TMEM132C: variants seen among roughly 807,000 people sequenced by gnomAD.
TMEM132C encodes transmembrane protein 132C.
In TMEM132C, 29 loss-of-function variants were observed where a neutral mutation model predicts 61.4. That is an observed-to-expected ratio of 0.47 (90% CI 0.35 to 0.64). The LOEUF (loss-of-function observed/expected upper bound fraction) is 0.64. Among genes scored for constraint, TMEM132C ranks in the 30% least tolerant of loss-of-function variants. The pLI is 0.00. For synonymous variants in TMEM132C, 656 were observed against 633.1 expected, an observed-to-expected ratio of 1.04 and a Z score of -0.54; for missense variants, 1,408 against 1,476.9, an observed-to-expected ratio of 0.95 and a Z score of 0.76.
intron 2 of TMEM132C, among the ~76,000 whole-genome samples, chr12:128,538,625 G>A (rs12825041): frequency 0.54 from 81,422 of 152,016 alleles, 22,637 homozygotes; most frequent in Middle Eastern, 0.61. Context: ...ATACTGCAGT[G>A]CCCTGCTCCC....
intron 1 of TMEM132C, among the ~76,000 whole-genome samples, chr12:128,401,778 G>A (rs1030120644): frequency 6.6e-6 from 1 of 152,132 alleles, no homozygotes; most frequent in Non-Finnish European, 1.5e-5. Flanking sequence ...CAGAATCTGG[G>A]CAATTCTTTG....
intron 5 of TMEM132C, among the ~76,000 whole-genome samples, chr12:128,687,017 T>C (rs909734332): frequency 6.6e-6 from 1 of 151,672 alleles, no homozygotes; most frequent in African/African-American, 2.4e-5. Context: ...GCCAACACGG[T>C]GAAACCTCAT....
chr12:128,322,263 C>G (rs1872360116), intron 1 of TMEM132C, among the ~76,000 whole-genome samples: 1 of 152,156 alleles, frequency 6.6e-6, no homozygotes. Flanking sequence ...GCTGACAGTC[C>G]AGCTGAAAGA....
intron 2 of TMEM132C, among the ~76,000 whole-genome samples, chr12:128,443,023 A>G (rs1010276377): frequency 1.3e-5 from 2 of 152,132 alleles, no homozygotes; most frequent in East Asian, 1.9e-4. Flanking sequence ...TTCTCAGGAG[A>G]TGCATGTGGA....
intron 2 of TMEM132C, among the ~76,000 whole-genome samples, chr12:128,530,269 C>A (rs974747926): frequency 1.3e-5 from 2 of 152,104 alleles, no homozygotes; most frequent in Non-Finnish European, 1.5e-5. Context: ...CAGCAGCCAG[C>A]CCTTCACCAG....
chr12:128,664,505 A>AT (rs1413746044), intron 4 of TMEM132C, among the ~76,000 whole-genome samples: 1 of 152,238 alleles, frequency 6.6e-6, no homozygotes, highest in Non-Finnish European at 1.5e-5. Flanking sequence ...GAGAAAAAAC[A>AT]TTTAATAATA....
intron 3 of TMEM132C, among the ~76,000 whole-genome samples, chr12:128,548,945 A>G (rs941471338): frequency 1.3e-5 from 2 of 152,172 alleles, no homozygotes; most frequent in Admixed American, 6.5e-5. Context: ...ACATCATTTT[A>G]TCTAAAGGAC....
At chr12:128,622,395 A>ATATG (rs1953977178) in intron 4 of TMEM132C, among the ~76,000 whole-genome samples, 3 of 129,394 alleles carry the variant, frequency 2.3e-5, no homozygotes, top group African/African-American at 5.8e-5. Context: ...ATATATATAT[A>ATATG]TATATAACCA....
At chr12:128,294,470 A>G (rs913847926) in intron 1 of TMEM132C, among the ~76,000 whole-genome samples, 10 of 152,304 alleles carry the variant, frequency 6.6e-5, no homozygotes, top group African/African-American at 2.4e-4. Context: ...CATTGGAGAA[A>G]TGGCTGGTGG....
At chr12:128,267,790 T>G (rs1410524828) in intron 1 of TMEM132C, among the ~76,000 whole-genome samples, 4 of 152,066 alleles carry the variant, frequency 2.6e-5, no homozygotes, top group Non-Finnish European at 5.9e-5. Flanking sequence ...CGGTGTTTGT[T>G]CCCCATCCCT....
chr12:128,564,190 T>C (rs2136165905), intron 3 of TMEM132C, among the ~76,000 whole-genome samples: 1 of 152,296 alleles, frequency 6.6e-6, no homozygotes, highest in East Asian at 1.9e-4. Context: ...GGCTCTATGC[T>C]CAAGATCTCA....
chr12:128,423,280 A>G (rs1051568792), intron 2 of TMEM132C, among the ~76,000 whole-genome samples: 14 of 152,222 alleles, frequency 9.2e-5, no homozygotes, highest in Middle Eastern at 3.4e-3. Flanking sequence ...GCTGTGGGGT[A>G]TGGGGACCTC....
chr12:128,551,322 G>A (rs1157925513), intron 3 of TMEM132C, among the ~76,000 whole-genome samples: 3 of 151,972 alleles, frequency 2.0e-5, no homozygotes, highest in African/African-American at 7.3e-5. Context: ...CCGTCTCCCT[G>A]TAACCTAGAA....
intron 2 of TMEM132C, among the ~76,000 whole-genome samples, chr12:128,516,870 T>C (rs1224229311): frequency 6.6e-6 from 1 of 151,626 alleles, no homozygotes; most frequent in African/African-American, 2.4e-5. Flanking sequence ...GCTATGATCA[T>C]GCCACTGTAT....
At chr12:128,604,782 TAATG>T (rs1228268395) in intron 3 of TMEM132C, among the ~76,000 whole-genome samples, 2 of 151,230 alleles carry the variant, frequency 1.3e-5, no homozygotes, top group African/African-American at 2.4e-5. Flanking sequence ...GATAGATAGA[TAATG>T]AATAGATAGT....
At chr12:128,451,286 A>T (rs1870167206) in intron 2 of TMEM132C, among the ~76,000 whole-genome samples, 1 of 152,232 alleles carries the variant, frequency 6.6e-6, no homozygotes, top group Non-Finnish European at 1.5e-5. Context: ...AAATGAAAAA[A>T]AGGGAGAAAT....
At chr12:128,604,276 T>C (rs911078538) in intron 3 of TMEM132C, among the ~76,000 whole-genome samples, 6 of 151,926 alleles carry the variant, frequency 3.9e-5, no homozygotes, top group Admixed American at 1.3e-4. Flanking sequence ...GATAGAGTGA[T>C]TAATTGATTG....
chr12:128,268,248 A>T (rs1870382828), intron 1 of TMEM132C, among the ~76,000 whole-genome samples: 1 of 152,132 alleles, frequency 6.6e-6, no homozygotes, highest in African/African-American at 2.4e-5. Flanking sequence ...TTTGGGTTGG[A>T]GGAATTTAAA....
chr12:128,421,568 G>T (rs1868989337), intron 2 of TMEM132C, among the ~76,000 whole-genome samples: 1 of 151,508 alleles, frequency 6.6e-6, no homozygotes, highest in Non-Finnish European at 1.5e-5. Flanking sequence ...AACTTGGCGT[G>T]AACCTTCTTG....
Sources: gnomAD v4.1 joint callset for allele counts (sites outside exome capture counted in the v4.1 genomes callset) on GRCh38, gnomAD v4.1.1 for gene constraint, MANE v1.5 for transcripts, NCBI Gene and HGNC (gene_info 2026-07-23, HGNC 2026-07-21) for gene names.